Variants in PDILT observed in about 807,000 individuals in gnomAD.
PDILT encodes the protein protein disulfide-isomerase-like protein of the testis.
PDILT carries 43 observed loss-of-function variants against 53.7 expected under a neutral mutation model. The observed-to-expected ratio is 0.80, with a 90% CI of 0.63 to 1.03. The LOEUF is 1.03. PDILT is among the 50% of genes least tolerant of loss of function. PDILT has a pLI of 0.00. For missense variants in PDILT, 727 were observed against 712.3 expected (o/e 1.02, Z -0.24); for synonymous variants, 282 against 274.2 (o/e 1.03, Z -0.28).
At chr16:20,367,712 C>T (rs529777954) in intron 8 of PDILT, among the ~76,000 whole-genome samples, 3 of 152,192 alleles carry the variant, frequency 2.0e-5, no homozygotes, top group Admixed American at 2.0e-4. Flanking sequence ...CAGTACTCAG[C>T]TGAGAGTGAG....
At chr16:20,387,468 G>A (rs1966554139) in intron 2 of PDILT, among the ~76,000 whole-genome samples, 2 of 152,164 alleles carry the variant, frequency 1.3e-5, no homozygotes, top group African/African-American at 4.8e-5. Context: ...AGTCCATTGG[G>A]TCTGGAGCAG....
In PDILT at chr16:20,362,582, TCTGG is replaced by T. The variant is rs898443160; in HGVS notation, c.1238-4_1238-1del. 1.9e-6 allele frequency: 3 copies of T among 1,613,926 alleles called. No individual in the cohort carries two copies. Among genetic ancestry groups the T allele is most frequent in the African/African-American group, 2.7e-5 (2 of 74,914 alleles). Reference sequence around the variant, plus strand: ...CTTGCACTTTTTAGACCAGGGTGCATCTGGAAGAGAAGGTCCATGGCTCAGGCTC... The same window carrying T: ...CTTGCACTTTTTAGACCAGGGTGCATAAGAGAAGGTCCATGGCTCAGGCTC... On this transcript the variant is annotated splice_acceptor_variant and splice_polypyrimidine_tract_variant and intron_variant, in intron 9 of 11. Coordinates refer to ENST00000302451, the MANE Select transcript of PDILT (RefSeq NM_174924.2). LOFTEE classifies it high-confidence loss of function.
chr16:20,374,449 A>G (rs1303486953), intron 5 of PDILT, among the ~76,000 whole-genome samples: 1 of 152,062 alleles, frequency 6.6e-6, no homozygotes, highest in Non-Finnish European at 1.5e-5. Context: ...CCATTTTGAG[A>G]TGCCTGGTGT....
At chr16:20,400,902 C>G in intron 1 of PDILT, among the ~76,000 whole-genome samples, 1 of 152,144 alleles carries the variant, frequency 6.6e-6, no homozygotes, top group African/African-American at 2.4e-5. Flanking sequence ...CATCAAATAT[C>G]TAGACAGTGT....
chr16:20,400,051 TA>T (rs1966713953), intron 1 of PDILT, among the ~76,000 whole-genome samples: 1 of 123,304 alleles, frequency 8.1e-6, no homozygotes, highest in Admixed American at 8.3e-5. Context: ...TCTATCTATC[TA>T]TCTATATATA....
rs531238990 is a variant in PDILT at position 20,364,421 on chromosome 16, T to C, written c.1237+999A>G. 2.0e-5 allele frequency among the ~76,000 whole-genome samples: 3 copies of C among 149,874 alleles called. No homozygotes were observed. In the South Asian group the frequency reaches 6.2e-4, roughly 31 times the overall value. ...GCACTAGAGCTTGTGTTAAACTTCT[T>C]GTCTTGCTACTTACTGTGTGACCTA... is the stretch of plus-strand genomic sequence containing the variant. On this transcript the variant is annotated intron_variant, in intron 9 of 11. Transcript: ENST00000302451.
chr16:20,385,879 T>C (rs772745068), intron 2 of PDILT: 1 of 152,234 alleles, frequency 6.6e-6, no homozygotes, highest in African/African-American at 2.4e-5. Context: ...AAAAAAATTC[T>C]GTGGTCAGAA....
chr16:20,395,082 T>G (rs1966646369), intron 2 of PDILT, among the ~76,000 whole-genome samples: 1 of 152,234 alleles, frequency 6.6e-6, no homozygotes, highest in Non-Finnish European at 1.5e-5. Context: ...ATTGATCTCG[T>G]ATTAATTGAC....
In PDILT at chr16:20,359,248, G is replaced by T; in HGVS notation, c.*71C>A. 69 of 1,484,582 alleles carry T rather than the reference G, an allele frequency of 4.6e-5. No individual in the cohort carries two copies. Among genetic ancestry groups the T allele is most frequent in the East Asian group, 5.0e-5 (2 of 39,778 alleles). The allele number at this position is 1,484,582 out of a possible 1,614,324, so 92.0% of individuals were successfully genotyped here. A position where few individuals can be genotyped will look rare whatever the true frequency, so the allele number is the denominator to read the frequency against. ...TACCACAATGATATATGCTTTTATTGGAATCAATCCATTCAGAAAATGATG... is the reference window on the plus strand; with the variant it reads ...TACCACAATGATATATGCTTTTATTTGAATCAATCCATTCAGAAAATGATG... On this transcript the variant is annotated 3_prime_UTR_variant, in exon 12 of 12. Coordinates refer to ENST00000302451, the MANE Select transcript of PDILT (RefSeq NM_174924.2).
Position 20,389,938 on chromosome 16 carries a change from A to G in PDILT, c.203-5087T>C, listed in dbSNP as rs187944694. ...TGTCACAGTTGGAAAAAGAGATGCT[A>G]CTGGCATTTAGTGGGTAGAGGCCAG... is the stretch of plus-strand genomic sequence containing the variant. On this transcript the variant is annotated intron_variant, in intron 2 of 11. Transcript: ENST00000302451. Among the ~76,000 whole-genome samples, 412 of 152,246 alleles carry G rather than the reference A, an allele frequency of 2.7e-3. 9 individuals are homozygous for G. Among genetic ancestry groups the G allele is most frequent in the Admixed American group, 0.024 (371 of 15,280 alleles).
intron 5 of PDILT, 23 bp from the exon 6 acceptor site, chr16:20,373,145 T>C (rs1191782548): frequency 1.9e-6 from 3 of 1,583,188 alleles, no homozygotes; most frequent in Admixed American, 1.7e-5. Context: ...GAGAAACATA[T>C]TGGAGGACAG....
intron 3 of PDILT, among the ~76,000 whole-genome samples, chr16:20,377,579 G>A (rs950122392): frequency 2.6e-5 from 4 of 152,302 alleles, no homozygotes; most frequent in South Asian, 4.1e-4. Context: ...AAAGTTCTGC[G>A]AGTCTGTAGC....
intron 5 of PDILT, among the ~76,000 whole-genome samples, chr16:20,373,578 C>A (rs1238685999): frequency 6.6e-6 from 1 of 152,170 alleles, no homozygotes; most frequent in Non-Finnish European, 1.5e-5. Context: ...GTTTTAAGTT[C>A]AGCCTAAACT....
chr16:20,360,489 A>C (rs529915682), intron 11 of PDILT, 79 bp downstream of exon 11: 14 of 1,291,766 alleles, frequency 1.1e-5, no homozygotes, highest in African/African-American at 5.8e-5. Flanking sequence ...AACTCCAGCC[A>C]TACTCTTTTG....
intron 2 of PDILT, among the ~76,000 whole-genome samples, chr16:20,394,154 G>A (rs1966636149): frequency 6.6e-6 from 1 of 152,198 alleles, no homozygotes; most frequent in South Asian, 2.1e-4. Flanking sequence ...GGTCAAGGAA[G>A]GTGAGGGCTG....
chr16:20,382,672 G>A (rs556973564), intron 3 of PDILT, among the ~76,000 whole-genome samples: 35 of 152,334 alleles, frequency 2.3e-4, no homozygotes, highest in African/African-American at 7.9e-4. Flanking sequence ...CACAGTATAT[G>A]CTACAGGTAT....
intron 9 of PDILT, among the ~76,000 whole-genome samples, chr16:20,363,384 C>T (rs1007316353): frequency 1.3e-5 from 2 of 152,080 alleles, no homozygotes; most frequent in Non-Finnish European, 2.9e-5. Flanking sequence ...TAGTGTTCCA[C>T]TCTAGTAGAA....
chr16:20,380,730 C>T (rs796469072), intron 3 of PDILT, among the ~76,000 whole-genome samples: 13 of 152,326 alleles, frequency 8.5e-5, no homozygotes, highest in African/African-American at 3.1e-4. Context: ...CAGTAAGCTC[C>T]TGTAATGCCT....
intron 11 of PDILT, among the ~76,000 whole-genome samples, chr16:20,360,137 G>A (rs1219399140): frequency 2.0e-5 from 3 of 152,210 alleles, no homozygotes; most frequent in Non-Finnish European, 4.4e-5. Flanking sequence ...AAAGCAAAGA[G>A]TAGTGTCTGA....
Sources: allele counts gnomAD v4.1 joint callset (sites outside exome capture counted in the v4.1 genomes callset), GRCh38; gene constraint gnomAD v4.1.1; transcripts MANE v1.5; gene names NCBI Gene and HGNC (gene_info 2026-07-23, HGNC 2026-07-21).